WDR19: variants seen among roughly 807,000 people sequenced by gnomAD.
WDR19 encodes WD repeat domain 19.
WDR19 carries 121 observed loss-of-function variants against 180.0 expected under a neutral mutation model. The observed-to-expected ratio is 0.67, with a 90% CI of 0.58 to 0.78. WDR19 has a LOEUF of 0.78. Among genes scored for constraint, WDR19 ranks in the 30% least tolerant of loss-of-function variants. The pLI is 0.00. For missense variants in WDR19, 1,450 were observed against 1,640.7 expected (o/e 0.88, Z 2.01); for synonymous variants, 497 against 540.7 (o/e 0.92, Z 1.12).
chr4:39,259,120 A>T, intron 28 of WDR19, among the ~76,000 whole-genome samples: 1 of 152,154 alleles, frequency 6.6e-6, no homozygotes, highest in Non-Finnish European at 1.5e-5. Flanking sequence ...TGATCATGAA[A>T]ATATTTCCCT....
chr4:39,199,088 C>T (rs1727105126), intron 5 of WDR19, among the ~76,000 whole-genome samples: 1 of 151,998 alleles, frequency 6.6e-6, no homozygotes, highest in South Asian at 2.1e-4. Context: ...ATGGCTTGAG[C>T]CTGGGAAGCA....
rs1246860277 is a variant in WDR19 at position 39,284,402 on chromosome 4, A to AATC, written c.*14-1081_*14-1079dup. The stretch of plus-strand genomic sequence containing the variant: ...TGCCTGGGCTGGGGTGCAGTGCCAC[A>AATC]ATCATCGTTCACTGCAGCCTCAAAC... On this transcript the variant is annotated intron_variant, in intron 36 of 36. Coordinates refer to ENST00000399820, the MANE Select transcript of WDR19 (RefSeq NM_025132.4). Among the ~76,000 whole-genome samples the AATC allele has an allele frequency of 3.5e-5, 5 of 144,258 alleles. No homozygotes were observed. In the East Asian group the frequency reaches 9.9e-4, roughly 29 times the overall value. 94.6% of individuals were successfully genotyped at this position (144,258 alleles called of 152,430 possible).
chr4:39,200,326 CACTT>C (rs1425048684), intron 6 of WDR19, among the ~76,000 whole-genome samples: 1 of 152,154 alleles, frequency 6.6e-6, no homozygotes, highest in Admixed American at 6.6e-5. Context: ...CTTAAAACAA[CACTT>C]ACTATTTCAT....
intron 32 of WDR19, chr4:39,274,090 T>A (rs1029880381): frequency 6.6e-6 from 1 of 152,252 alleles, no homozygotes; most frequent in Non-Finnish European, 1.5e-5. Context: ...ACATACACTT[T>A]TAACATGTCA....
At chr4:39,183,382 T>C (rs1415407852) in intron 1 of WDR19, among the ~76,000 whole-genome samples, 1 of 147,562 alleles carries the variant, frequency 6.8e-6, no homozygotes, top group Non-Finnish European at 1.5e-5. Flanking sequence ...CCCGAGTAGC[T>C]GGGACTACAG....
At chr4:39,270,169 G>T in intron 31 of WDR19, 69 bp downstream of exon 31, 1 of 1,584,552 alleles carries the variant, frequency 6.3e-7, no homozygotes, top group Non-Finnish European at 8.6e-7. Flanking sequence ...TTTTCTCCAG[G>T]CCCTTCTCCA....
At chr4:39,237,844 T>C (rs75771272) in intron 20 of WDR19, 21,924 of 152,140 alleles carry the variant, frequency 0.14, 1,686 homozygotes, top group Middle Eastern at 0.19. Flanking sequence ...GGAAAGATGA[T>C]CCACCAAGTC....
intron 24 of WDR19, 27 bp from the exon 25 acceptor site, chr4:39,253,119 A>T (rs958646252): frequency 5.8e-6 from 9 of 1,547,462 alleles, no homozygotes; most frequent in Admixed American, 2.2e-5. Context: ...GTGTTAAAAA[A>T]AGTTTATCTG....
At chr4:39,228,099 A>C (rs780247440) in intron 15 of WDR19, 111 bp from the exon 16 acceptor site, 1 of 1,172,436 alleles carries the variant, frequency 8.5e-7, no homozygotes, top group Non-Finnish European at 1.2e-6. Flanking sequence ...TGTTAGGTTG[A>C]ATATGACTCA....
At chr4:39,261,260 G>T (rs1734271699) in intron 28 of WDR19, among the ~76,000 whole-genome samples, 1 of 151,666 alleles carries the variant, frequency 6.6e-6, no homozygotes, top group South Asian at 2.1e-4. Flanking sequence ...CCAAAGTGTT[G>T]GGATTACAGG....
Position 39,217,202 on chromosome 4 carries a change from G to T in WDR19, c.1318G>T (p.Ala440Ser). The T allele has an allele frequency of 1.1e-5, 17 of 1,607,384 alleles. No homozygotes were observed. Among genetic ancestry groups the T allele is most frequent in the Non-Finnish European group, 1.4e-5 (17 of 1,176,966 alleles). ...CAGTATTTGCCTTCATTCTGACTAT[G>T]CTGCTGCACTTTTTGAAGGCAAAGT... ...VASICLHSDY[A>S]AALFEGKVQL... Residue 440 changes from alanine to serine, a missense_variant, in exon 13 of 37, where the codon GCT (alanine) becomes TCT (serine). Transcript: ENST00000399820.
intron 31 of WDR19, among the ~76,000 whole-genome samples, chr4:39,270,738 T>G (rs557556017): frequency 6.6e-6 from 1 of 152,304 alleles, no homozygotes; most frequent in African/African-American, 2.4e-5. Flanking sequence ...AAAAATAGAT[T>G]TACTTAAAAC....
chr4:39,224,299 A>G (rs1730005463), intron 14 of WDR19, among the ~76,000 whole-genome samples: 2 of 152,322 alleles, frequency 1.3e-5, no homozygotes, highest in South Asian at 4.1e-4. Context: ...AAAATCAATT[A>G]TGCTTTAATA....
intron 9 of WDR19, among the ~76,000 whole-genome samples, chr4:39,207,244 A>G (rs1221956859): frequency 6.6e-6 from 1 of 152,230 alleles, no homozygotes; most frequent in Admixed American, 6.5e-5. Flanking sequence ...AGTGAACTTG[A>G]AGAGAGATCA....
At chr4:39,226,835 T>A (rs1730315472) in intron 15 of WDR19, among the ~76,000 whole-genome samples, 1 of 152,220 alleles carries the variant, frequency 6.6e-6, no homozygotes, top group African/African-American at 2.4e-5. Context: ...AACGAACAGA[T>A]GAAATTAATT....
intron 21 of WDR19, among the ~76,000 whole-genome samples, chr4:39,241,469 G>A (rs187454202): frequency 7.9e-5 from 11 of 139,858 alleles, no homozygotes; most frequent in African/African-American, 3.0e-4. Context: ...ACCCCAGCCT[G>A]GGCAACAGAG....
chr4:39,189,813 A>G (rs953197237), intron 4 of WDR19, 32 bp downstream of exon 4: 6 of 1,580,336 alleles, frequency 3.8e-6, no homozygotes, highest in Non-Finnish European at 3.4e-6. Context: ...TTAAAGCTTC[A>G]CTTAGAAACA....
At chr4:39,238,661 C>A (rs1028595123) in intron 20 of WDR19, among the ~76,000 whole-genome samples, 1 of 152,184 alleles carries the variant, frequency 6.6e-6, no homozygotes, top group East Asian at 1.9e-4. Flanking sequence ...AAAGAAATTT[C>A]TCAACTGCAG....
intron 28 of WDR19, among the ~76,000 whole-genome samples, chr4:39,261,193 T>C (rs1220850514): frequency 1.3e-5 from 2 of 151,144 alleles, no homozygotes; most frequent in Non-Finnish European, 2.9e-5. Flanking sequence ...TGTTTTAGCA[T>C]GTTGGCCAGG....
Sources: gnomAD v4.1 joint callset for allele counts (sites outside exome capture counted in the v4.1 genomes callset) on GRCh38, gnomAD v4.1.1 for gene constraint, MANE v1.5 for transcripts, NCBI Gene and HGNC (gene_info 2026-07-23, HGNC 2026-07-21) for gene names.